ADGRA3: variants seen among roughly 807,000 people sequenced by gnomAD.
ADGRA3 encodes G-protein coupled receptor 125.
ADGRA3 carries 56 observed loss-of-function variants against 119.8 expected under a neutral mutation model. The observed-to-expected ratio is 0.47, with a 90% CI of 0.38 to 0.58. ADGRA3 has a LOEUF of 0.58. ADGRA3 is among the 20% of genes least tolerant of loss of function. ADGRA3 has a pLI of 0.00. For missense variants in ADGRA3, 1,516 were observed against 1,649.0 expected, an observed-to-expected ratio of 0.92 and a Z score of 1.40; for synonymous variants, 607 against 623.8, an observed-to-expected ratio of 0.97 and a Z score of 0.40.
At chr4:22,513,836 G>T (rs1284236141) in intron 1 of ADGRA3, among the ~76,000 whole-genome samples, 2 of 76,078 alleles carry the variant, frequency 2.6e-5, no homozygotes, top group Non-Finnish European at 4.5e-5. Context: ...CATCTAAAAA[G>T]CTTTCAGGCA....
In ADGRA3 at chr4:22,388,754, G is replaced by A. The variant is rs1713965927; in HGVS notation, c.2917C>T (p.Gln973Ter). 2 of 1,613,988 alleles carry A rather than the reference G, an allele frequency of 1.2e-6. No homozygotes were observed. The highest frequency in any genetic ancestry group is 1.7e-6 in the Non-Finnish European group (2 of 1,179,916). ...ATCAGAGACAAAGACATTGAATCCT[G>A]ATGATTTATTTCGCCATTTTCATTG... ...AANENGEINHQDSMSLSLIST... is the reference protein window; with the variant it reads ...AANENGEINH The change falls in exon 19 of 19, where the codon CAG becomes TAG. Residue 973 changes from glutamine (Q) to a stop codon, truncating the protein, a stop_gained. Transcript: ENST00000334304. LOFTEE classifies it high-confidence loss of function.
Position 22,492,462 on chromosome 4 carries a change from C to T in ADGRA3, c.258-18619G>A, listed in dbSNP as rs578095393. On this transcript the variant is annotated intron_variant, in intron 1 of 18. Coordinates refer to ENST00000334304, the MANE Select transcript of ADGRA3 (RefSeq NM_145290.4). ...ATTACAAAGATTTACTGAGTGCCTA[C>T]TTGAATGCTTGATAGCATTCAGGGT... Among the ~76,000 whole-genome samples, 15 of 152,312 alleles carry T rather than the reference C, an allele frequency of 9.8e-5. No individual in the cohort carries two copies. In the South Asian group the frequency reaches 2.7e-3, roughly 27 times the overall value.
At chr4:22,475,418 C>T (rs939370944) in intron 1 of ADGRA3, among the ~76,000 whole-genome samples, 3 of 152,098 alleles carry the variant, frequency 2.0e-5, no homozygotes, top group African/African-American at 7.2e-5. Context: ...AGTTAAGCTA[C>T]GAGAATGCAA....
chr4:22,436,198 A>G (rs544223202), intron 9 of ADGRA3, among the ~76,000 whole-genome samples: 2 of 151,890 alleles, frequency 1.3e-5, no homozygotes. Context: ...GATACAGATT[A>G]AAAAAAAGAT....
intron 10 of ADGRA3, 54 bp from the exon 11 acceptor site, chr4:22,424,406 T>C (rs765606612): frequency 2.2e-5 from 35 of 1,560,832 alleles, no homozygotes; most frequent in Non-Finnish European, 2.9e-5. Flanking sequence ...CATAAACTAT[T>C]TCGTAGAATC....
rs1249943379 is a variant in ADGRA3, at chr4:22,435,552, A to C, written c.1288-86T>G. On this transcript the variant is annotated intron_variant, in intron 9 of 18. Transcript: ENST00000334304. ...CCTGACATTTTAACTTTGCATTTCA[A>C]AACAGCAACGAATTAAAAACTTTAT... 17 of 1,199,112 alleles carry C rather than the reference A, an allele frequency of 1.4e-5. No individual in the cohort carries two copies. The South Asian group carries it at 3.2e-4, about 23-fold the overall frequency. The allele number at this position is 1,199,112 out of a possible 1,614,324, so 74.3% of individuals were successfully genotyped here. A position where few individuals can be genotyped will look rare whatever the true frequency, so the allele number is the denominator to read the frequency against.
chr4:22,399,634 A>G (rs1714527603), intron 16 of ADGRA3, among the ~76,000 whole-genome samples: 1 of 152,078 alleles, frequency 6.6e-6, no homozygotes, highest in Admixed American at 6.6e-5. Flanking sequence ...TTGTACATCA[A>G]AGTTCCCATG....
intron 1 of ADGRA3, among the ~76,000 whole-genome samples, chr4:22,493,930 C>T (rs1051239445): frequency 6.6e-6 from 1 of 152,180 alleles, no homozygotes; most frequent in African/African-American, 2.4e-5. Context: ...GTGGGCCAGG[C>T]GCGGTGGCTC....
intron 12 of ADGRA3, among the ~76,000 whole-genome samples, chr4:22,419,455 T>C (rs1000057320): frequency 2.0e-5 from 3 of 152,144 alleles, no homozygotes; most frequent in Non-Finnish European, 4.4e-5. Context: ...AATAATAGTG[T>C]AATGTGTCCT....
rs139412711 is a variant in ADGRA3, at chr4:22,487,016, AG to A, written c.258-13174del. 9.1e-3 allele frequency among the ~76,000 whole-genome samples: 1,381 copies of A among 152,260 alleles called. 38 individuals are homozygous for A. Among genetic ancestry groups the A allele is most frequent in the East Asian group, 0.05 (257 of 5,170 alleles). On this transcript the variant is annotated intron_variant, in intron 1 of 18. Coordinates refer to ENST00000334304, the MANE Select transcript of ADGRA3 (RefSeq NM_145290.4). ...GCTGATAGTGGACGTTTTCATTATC[AG>A]CATCTTCTGGTTGAATACCAACCAG... is the stretch of plus-strand genomic sequence containing the variant.
In ADGRA3 at chr4:22,413,340, G is replaced by A. The variant is rs1167154806; in HGVS notation, c.2074C>T (p.Arg692Ter). 6.2e-7 allele frequency: 1 copy of A among 1,613,914 alleles called. No individual in the cohort carries two copies. Among genetic ancestry groups the A allele is most frequent in the Non-Finnish European group, 8.5e-7 (1 of 1,179,958 alleles). Residue 692 changes from arginine (R) to a stop codon, truncating the protein, a stop_gained, in exon 14 of 19, where the codon CGA (arginine) becomes TGA (stop). Coordinates refer to ENST00000334304, the MANE Select transcript of ADGRA3 (RefSeq NM_145290.4). LOFTEE classifies it high-confidence loss of function. ...ACAGCATCTGCTCCATGTGCAATTCGACGCAGTGTCACATTAACAGGGATG... is the reference window on the plus strand; with the variant it reads ...ACAGCATCTGCTCCATGTGCAATTCAACGCAGTGTCACATTAACAGGGATG... ...HHIPVNVTLR[R>*]IAHGADAVAA...
chr4:22,444,329 A>G (rs1716746173), intron 6 of ADGRA3, among the ~76,000 whole-genome samples: 1 of 151,940 alleles, frequency 6.6e-6, no homozygotes, highest in Admixed American at 6.6e-5. Flanking sequence ...TTTGTCACCC[A>G]GGCTGTAGTG....
chr4:22,394,053 A>AGT (rs1714249676), intron 16 of ADGRA3: 1 of 152,208 alleles, frequency 6.6e-6, no homozygotes, highest in South Asian at 2.1e-4. Flanking sequence ...ATGTCACTGG[A>AGT]GTATCAAGGA....
intron 1 of ADGRA3, among the ~76,000 whole-genome samples, chr4:22,501,150 C>A (rs759512576): frequency 6.6e-6 from 1 of 152,168 alleles, no homozygotes; most frequent in African/African-American, 2.4e-5. Context: ...CCAACACCTA[C>A]AAGAACTCTC....
intron 18 of ADGRA3, 41 bp downstream of exon 18, chr4:22,389,047 A>G: frequency 1.9e-6 from 3 of 1,599,812 alleles, no homozygotes; most frequent in Non-Finnish European, 2.6e-6. Flanking sequence ...CTTAAAAGAG[A>G]AACAACTGGG....
intron 11 of ADGRA3, among the ~76,000 whole-genome samples, chr4:22,422,037 T>C (rs1228132650): frequency 1.3e-5 from 2 of 151,384 alleles, no homozygotes; most frequent in Admixed American, 1.3e-4. Flanking sequence ...CACCAAAACA[T>C]ACAACCTGTC....
At chr4:22,462,204 A>T (rs1225667198) in intron 2 of ADGRA3, among the ~76,000 whole-genome samples, 1 of 152,228 alleles carries the variant, frequency 6.6e-6, no homozygotes, top group Non-Finnish European at 1.5e-5. Context: ...GTTGAATTTT[A>T]AAAAACCATC....
intron 7 of ADGRA3, among the ~76,000 whole-genome samples, chr4:22,440,220 A>C (rs1032995716): frequency 1.3e-5 from 2 of 152,114 alleles, no homozygotes; most frequent in African/African-American, 4.8e-5. Flanking sequence ...TCAATCTCCA[A>C]ATCTGCAAAT....
In ADGRA3 at chr4:22,387,736, G is replaced by A; in HGVS notation, c.3935C>T (p.Thr1312Ile). Residue 1312 changes from threonine (T) to isoleucine (I), a missense_variant, in exon 19 of 19, where the codon ACT (threonine) becomes ATT (isoleucine). By Grantham distance (89) the Thr-to-Ile change is moderately conservative. This residue lies in a region of ADGRA3 where 1,088 missense variants were observed against 1,107.1 expected (regional missense o/e 0.98). Coordinates refer to ENST00000334304, the MANE Select transcript of ADGRA3 (RefSeq NM_145290.4). ...LGTDSTGNVRTGLWKHETTV is the reference protein window; with the variant it reads ...LGTDSTGNVRIGLWKHETTV Reference sequence around the variant, plus strand: ...AGTAGTTTCGTGTTTCCATAATCCAGTCCTAACATTGCCAGTGCTATCGGT... The same window carrying A: ...AGTAGTTTCGTGTTTCCATAATCCAATCCTAACATTGCCAGTGCTATCGGT... 2 of 1,612,876 alleles carry A rather than the reference G, an allele frequency of 1.2e-6. No individual in the cohort carries two copies. The highest frequency in any genetic ancestry group is 1.3e-5 in the African/African-American group (1 of 74,998).
Sources: gnomAD v4.1 joint callset for allele counts (sites outside exome capture counted in the v4.1 genomes callset) on GRCh38, gnomAD v4.1.1 for gene constraint, gnomAD v4.1.1 regional missense constraint, MANE v1.5 for transcripts, NCBI Gene and HGNC (gene_info 2026-07-23, HGNC 2026-07-21) for gene names.